Variants in ARHGAP24 observed in about 807,000 individuals in gnomAD.
ARHGAP24 encodes Rho GTPase activating protein 24.
A neutral mutation model predicts 76.4 loss-of-function variants in ARHGAP24; 50 were observed. The ratio of observed to expected loss-of-function variants is 0.65; its 90% CI spans 0.52 to 0.83. The LOEUF (loss-of-function observed/expected upper bound fraction) is 0.83, where lower values mean the gene tolerates loss of function less well. Among genes scored for constraint, ARHGAP24 ranks in the 40% least tolerant of loss-of-function variants. The pLI, the probability that ARHGAP24 is intolerant of heterozygous loss-of-function variation, is 0.00. For synonymous variants in ARHGAP24, 345 were observed against 323.3 expected, an observed-to-expected ratio of 1.07 and a Z score of -0.72; for missense variants, 930 against 914.2, an observed-to-expected ratio of 1.02 and a Z score of -0.22.
intron 2 of ARHGAP24, among the ~76,000 whole-genome samples, chr4:85,689,848 C>T (rs1723564020): frequency 6.6e-6 from 1 of 152,114 alleles, no homozygotes. Flanking sequence ...ATCTGGATAC[C>T]TTTTATTTCT....
At chr4:85,564,083 T>C (rs1726706541) in intron 1 of ARHGAP24, among the ~76,000 whole-genome samples, 1 of 152,208 alleles carries the variant, frequency 6.6e-6, no homozygotes, top group Non-Finnish European at 1.5e-5. Flanking sequence ...TGTCCTTTGC[T>C]TCATCAAAGA....
At chr4:85,558,765 T>C (rs970794841) in intron 1 of ARHGAP24, among the ~76,000 whole-genome samples, 2 of 152,220 alleles carry the variant, frequency 1.3e-5, no homozygotes, top group Non-Finnish European at 2.9e-5. Context: ...TGGTCCTTAT[T>C]GGAAATCATT....
At chr4:85,584,436 T>A (rs974954782) in intron 2 of ARHGAP24, among the ~76,000 whole-genome samples, 4 of 125,416 alleles carry the variant, frequency 3.2e-5, no homozygotes, top group African/African-American at 1.2e-4. Flanking sequence ...CTCTGAGGAC[T>A]GTTGTGGGGT....
intron 3 of ARHGAP24, among the ~76,000 whole-genome samples, chr4:85,758,970 A>G (rs1194953210): frequency 6.6e-6 from 1 of 152,158 alleles, no homozygotes; most frequent in Non-Finnish European, 1.5e-5. Context: ...TCGTTACGCT[A>G]CTTCTTTGAA....
At chr4:85,893,686 GC>G (rs1733966443) in intron 3 of ARHGAP24, among the ~76,000 whole-genome samples, 1 of 138,316 alleles carries the variant, frequency 7.2e-6, no homozygotes, top group Non-Finnish European at 1.6e-5. Flanking sequence ...TTGAATATTG[GC>G]CCCCACTCTC....
chr4:85,690,544 ATTGT>A (rs1416970918), intron 2 of ARHGAP24, among the ~76,000 whole-genome samples: 1 of 152,048 alleles, frequency 6.6e-6, no homozygotes, highest in African/African-American at 2.4e-5. Context: ...ACTTTGGAAG[ATTGT>A]GTGTTTCCAG....
At chr4:85,489,372 A>T (rs1337152936) in intron 1 of ARHGAP24, among the ~76,000 whole-genome samples, 1 of 152,192 alleles carries the variant, frequency 6.6e-6, no homozygotes, top group Non-Finnish European at 1.5e-5. Flanking sequence ...GGCTTTTATT[A>T]TCTCTCTGTT....
At chr4:85,961,791 TAC>T (rs1054393817) in intron 5 of ARHGAP24, among the ~76,000 whole-genome samples, 2 of 151,824 alleles carry the variant, frequency 1.3e-5, no homozygotes, top group Non-Finnish European at 2.9e-5. Context: ...CACACGTGCA[TAC>T]ACACACACAC....
At chr4:85,611,101 A>G (rs1412965671) in intron 2 of ARHGAP24, among the ~76,000 whole-genome samples, 1 of 152,196 alleles carries the variant, frequency 6.6e-6, no homozygotes, top group Non-Finnish European at 1.5e-5. Flanking sequence ...TTTATCTTAA[A>G]AACATAGAGT....
chr4:85,969,016 C>T (rs1738799054), intron 5 of ARHGAP24, among the ~76,000 whole-genome samples: 1 of 152,126 alleles, frequency 6.6e-6, no homozygotes, highest in African/African-American at 2.4e-5. Context: ...TCATCCCACT[C>T]CACCTTTCTT....
chr4:85,960,347 G>T (rs1738168384), intron 5 of ARHGAP24, among the ~76,000 whole-genome samples: 1 of 152,032 alleles, frequency 6.6e-6, no homozygotes, highest in African/African-American at 2.4e-5. Flanking sequence ...GTAATGTTCT[G>T]GGAATATCAG....
chr4:85,709,499 T>TA (rs901801651), intron 2 of ARHGAP24, among the ~76,000 whole-genome samples: 13 of 151,882 alleles, frequency 8.6e-5, no homozygotes, highest in Non-Finnish European at 1.9e-4. Context: ...AGTATCTTGT[T>TA]AAAAAAAACC....
At chr4:85,742,018 A>T (rs1725844537) in intron 3 of ARHGAP24, among the ~76,000 whole-genome samples, 1 of 152,154 alleles carries the variant, frequency 6.6e-6, no homozygotes, top group South Asian at 2.1e-4. Flanking sequence ...TATTTGCCAG[A>T]GTGGGGGAGG....
chr4:85,798,262 G>C (rs772506498), intron 3 of ARHGAP24, among the ~76,000 whole-genome samples: 9 of 152,164 alleles, frequency 5.9e-5, no homozygotes, highest in Non-Finnish European at 1.2e-4. Flanking sequence ...AAGGCATTAT[G>C]CTCAGTGAAA....
chr4:85,771,201 C>T (rs1403410012), intron 3 of ARHGAP24, among the ~76,000 whole-genome samples: 2 of 152,168 alleles, frequency 1.3e-5, no homozygotes, highest in Non-Finnish European at 2.9e-5. Context: ...GATTGGCTCA[C>T]ATGATTATGG....
At chr4:85,735,068 C>T (rs1725555159) in intron 3 of ARHGAP24, among the ~76,000 whole-genome samples, 2 of 152,098 alleles carry the variant, frequency 1.3e-5, no homozygotes, top group African/African-American at 4.8e-5. Flanking sequence ...CCTTCCACTC[C>T]CACCTTTTCA....
chr4:85,715,442 T>C (rs1724696605), intron 2 of ARHGAP24, among the ~76,000 whole-genome samples: 2 of 152,206 alleles, frequency 1.3e-5, no homozygotes, highest in Middle Eastern at 3.4e-3. Flanking sequence ...CCAGGCACTT[T>C]TGTACAAACT....
intron 2 of ARHGAP24, among the ~76,000 whole-genome samples, chr4:85,675,746 G>T (rs906480302): frequency 6.6e-6 from 1 of 152,160 alleles, no homozygotes; most frequent in Non-Finnish European, 1.5e-5. Flanking sequence ...TTGAGCTTCA[G>T]TTGGCTTGTA....
intron 1 of ARHGAP24, among the ~76,000 whole-genome samples, chr4:85,560,982 A>G (rs926368315): frequency 2.0e-5 from 3 of 152,240 alleles, no homozygotes; most frequent in Non-Finnish European, 4.4e-5. Flanking sequence ...TGAAACACAA[A>G]GATGGATTGA....
Sources: allele counts gnomAD v4.1 joint callset (sites outside exome capture counted in the v4.1 genomes callset), GRCh38; gene constraint gnomAD v4.1.1; transcripts MANE v1.5; gene names NCBI Gene and HGNC (gene_info 2026-07-23, HGNC 2026-07-21).